Variants in WDR27 observed in about 807,000 individuals in gnomAD.
WDR27 encodes the protein WD repeat-containing protein 27.
Under a neutral mutation model 114.4 loss-of-function variants are expected in WDR27, and 100 were observed. That is an observed-to-expected ratio of 0.87 (90% CI 0.74 to 1.03). The LOEUF (loss-of-function observed/expected upper bound fraction) is 1.03, where lower values mean the gene tolerates loss of function less well. Among genes scored for constraint, WDR27 ranks in the 50% least tolerant of loss-of-function variants. The pLI is 0.00. For synonymous variants in WDR27, 449 were observed against 423.1 expected, an observed-to-expected ratio of 1.06 and a Z score of -0.75; for missense variants, 1,129 against 1,092.9, an observed-to-expected ratio of 1.03 and a Z score of -0.47.
intron 22 of WDR27, among the ~76,000 whole-genome samples, chr6:169,613,346 G>T (rs1425682147): frequency 1.3e-5 from 2 of 152,172 alleles, no homozygotes; most frequent in African/African-American, 4.8e-5. Context: ...AGGGCCTGGG[G>T]TTACTCTCCT....
intron 25 of WDR27, among the ~76,000 whole-genome samples, chr6:169,495,064 G>T (rs1790225410): frequency 6.6e-6 from 1 of 152,078 alleles, no homozygotes; most frequent in African/African-American, 2.4e-5. Flanking sequence ...ATAAGTTCAT[G>T]AAAACATTAG....
chr6:169,455,592 G>T (rs1562436237), downstream of WDR27, among the ~76,000 whole-genome samples: 1 of 152,226 alleles, frequency 6.6e-6, no homozygotes, highest in Non-Finnish European at 1.5e-5. Flanking sequence ...TCCTCTGAGT[G>T]GTGTGGGGAG....
chr6:169,667,957 A>T (rs752733617), intron 5 of WDR27, 25 bp downstream of exon 5: 10 of 1,597,722 alleles, frequency 6.3e-6, no homozygotes, highest in Non-Finnish European at 8.5e-6. Context: ...CCACGCGGGA[A>T]CGCCATCCAG....
At chr6:169,604,331 A>C (rs1808669654) in intron 22 of WDR27, among the ~76,000 whole-genome samples, 1 of 152,102 alleles carries the variant, frequency 6.6e-6, no homozygotes, top group Admixed American at 6.6e-5. Context: ...AAAACTACAC[A>C]CTCACAAAAT....
intron 25 of WDR27, among the ~76,000 whole-genome samples, chr6:169,467,574 C>T (rs1282302983): frequency 2.0e-5 from 3 of 152,238 alleles, no homozygotes; most frequent in Non-Finnish European, 4.4e-5. Flanking sequence ...ATGGCCTGAG[C>T]TGTATGTTGG....
chr6:169,593,251 G>C (rs1468931596), intron 23 of WDR27, among the ~76,000 whole-genome samples: 1 of 152,074 alleles, frequency 6.6e-6, no homozygotes, highest in East Asian at 1.9e-4. Flanking sequence ...AAAGCACATG[G>C]GCCTGGTACT....
chr6:169,651,853 G>C (rs2128244606), intron 14 of WDR27, 77 bp downstream of exon 14: 1 of 1,288,970 alleles, frequency 7.8e-7, no homozygotes, highest in South Asian at 1.3e-5. Flanking sequence ...GGATGTATGT[G>C]TGTCCCTATT....
intron 19 of WDR27, 136 bp downstream of exon 19, chr6:169,636,235 C>T: frequency 1.9e-6 from 2 of 1,034,730 alleles, no homozygotes; most frequent in Non-Finnish European, 2.8e-6. Flanking sequence ...ATAATTCCCT[C>T]TCATCAAGAG....
intron 2 of WDR27, among the ~76,000 whole-genome samples, chr6:169,683,722 G>A: frequency 6.6e-6 from 1 of 152,100 alleles, no homozygotes; most frequent in Non-Finnish European, 1.5e-5. Context: ...CGTCAGATGG[G>A]ACTTCCCCCT....
In WDR27 at chr6:169,659,505, G is replaced by A; in HGVS notation, c.1143C>T (p.Leu381=). Residue 381 remains leucine (L), a synonymous_variant, in exon 11 of 26, where the codon CTC becomes CTT. Transcript: ENST00000448612. This position sits in a 1 kb window ranked among gnomAD's most constrained non-coding sequence, Gnocchi z 4.3. ...AALYYKDFQS[L]SILLAGSCAL... ...CACACGATCCGGCCAGCAGGATGCT[G>A]AGGCTCTGGAAATCTTCAGTTGAGC... 1 of 1,609,574 alleles carries A rather than the reference G, an allele frequency of 6.2e-7. No individual in the cohort carries two copies. Among genetic ancestry groups the A allele is most frequent in the South Asian group, 1.1e-5 (1 of 89,974 alleles).
chr6:169,616,788 T>C (rs1220601242), intron 21 of WDR27, among the ~76,000 whole-genome samples: 2 of 151,770 alleles, frequency 1.3e-5, no homozygotes, highest in African/African-American at 4.8e-5. Context: ...ATATGGAGAG[T>C]GCATGCTCTG....
At chr6:169,667,801 G>A (rs1210262586) in intron 5 of WDR27, among the ~76,000 whole-genome samples, 181 bp downstream of exon 5, 2 of 152,226 alleles carry the variant, frequency 1.3e-5, no homozygotes, top group South Asian at 2.1e-4. Context: ...CAGCGGCCCC[G>A]GCAAAACATC....
At chr6:169,656,564 C>CG (rs1171280288) in intron 13 of WDR27, among the ~76,000 whole-genome samples, 1 of 151,396 alleles carries the variant, frequency 6.6e-6, no homozygotes, top group East Asian at 1.9e-4. Context: ...CGAAGAGGTT[C>CG]GGGGGGCTGA....
At chr6:169,589,632 T>A (rs1334985035) in intron 23 of WDR27, among the ~76,000 whole-genome samples, 1 of 152,158 alleles carries the variant, frequency 6.6e-6, no homozygotes, top group Non-Finnish European at 1.5e-5. Context: ...CATGACAACT[T>A]TACATGTGAC....
intron 1 of WDR27, among the ~76,000 whole-genome samples, chr6:169,691,577 T>G (rs558663868): frequency 6.6e-6 from 1 of 152,330 alleles, no homozygotes; most frequent in East Asian, 1.9e-4. Flanking sequence ...CATAAAAAAT[T>G]ATAGTTGTTT....
chr6:169,638,686 ACT>A, intron 17 of WDR27, 26 bp from the exon 18 acceptor site: 2 of 1,575,368 alleles, frequency 1.3e-6, no homozygotes, highest in Non-Finnish European at 1.7e-6. Context: ...ACAGAAGGTT[ACT>A]ATTTCTACTA....
chr6:169,629,930 A>G (rs1815907424), intron 21 of WDR27, among the ~76,000 whole-genome samples: 1 of 150,204 alleles, frequency 6.7e-6, no homozygotes, highest in Non-Finnish European at 1.5e-5. Context: ...TTCATCTCAA[A>G]AAAAAAAAAA....
chr6:169,652,628 G>T (rs897396514), intron 13 of WDR27, among the ~76,000 whole-genome samples: 1 of 152,228 alleles, frequency 6.6e-6, no homozygotes, highest in Non-Finnish European at 1.5e-5. Context: ...GGTAAGTGTT[G>T]TAAGTAGAGG....
chr6:169,520,610 C>A (rs2128063710), intron 25 of WDR27, among the ~76,000 whole-genome samples: 1 of 152,020 alleles, frequency 6.6e-6, no homozygotes, highest in East Asian at 1.9e-4. Flanking sequence ...ACCAAGAATG[C>A]AAAGTAGCAG....
Sources: gnomAD v4.1 joint callset for allele counts (sites outside exome capture counted in the v4.1 genomes callset) on GRCh38, gnomAD v4.1.1 for gene constraint, Gnocchi (gnomAD v3.1) non-coding constraint, MANE v1.5 for transcripts, NCBI Gene and HGNC (gene_info 2026-07-23, HGNC 2026-07-21) for gene names.